ZNF609: variants seen among roughly 807,000 people sequenced by gnomAD.
The protein encoded by ZNF609 is zinc finger protein 609.
In ZNF609, 11 loss-of-function variants were observed where a neutral mutation model predicts 109.5. The ratio of observed to expected loss-of-function variants is 0.10; its 90% CI spans 0.06 to 0.17. The LOEUF (loss-of-function observed/expected upper bound fraction) is 0.17. Ranked by LOEUF, ZNF609 falls within the 10% of genes least tolerant of loss-of-function variation. The probability of loss-of-function intolerance (pLI) is 1.00; values close to 1 mark genes in which losing one functional copy is unlikely to be tolerated. For synonymous variants in ZNF609, 646 were observed against 662.0 expected (o/e 0.98, Z 0.37); for missense variants, 1,559 against 1,772.4 (o/e 0.88, Z 2.16).
intron 4 of ZNF609, chr15:64,671,459 C>T (rs895221690): frequency 2.6e-5 from 4 of 152,078 alleles, no homozygotes; most frequent in African/African-American, 9.7e-5. Context: ...TAACATCTAA[C>T]CATGGGTGAG....
chr15:64,516,432 C>A (rs1391377397), intron 2 of ZNF609, among the ~76,000 whole-genome samples: 2 of 152,074 alleles, frequency 1.3e-5, no homozygotes, highest in Non-Finnish European at 2.9e-5. Context: ...AGTGCAATGG[C>A]ACGATCTCGT....
At position 64,674,125 on chromosome 15, in the gene ZNF609, G is replaced by C; in HGVS notation, c.1271G>C (p.Ser424Thr). The change falls in exon 5 of 10, where the codon AGC becomes ACC. Residue 424 changes from serine to threonine, a missense_variant. Physicochemically the swap from Ser to Thr is moderately conservative, Grantham distance 58. Transcript: ENST00000326648. Reference sequence around the variant, plus strand: ...TCTTCAGAGCACCGCCCACCTGCCAGCAGCACTTCTGAGGATGTCAAGGCC... The same window carrying C: ...TCTTCAGAGCACCGCCCACCTGCCACCAGCACTTCTGAGGATGTCAAGGCC... ...QNSSEHRPPA[S>T]STSEDVKASP... 6.2e-7 allele frequency: 1 copy of C among 1,614,216 alleles called. No homozygotes were observed. The highest frequency in any genetic ancestry group is 1.6e-4 in the Middle Eastern group (1 of 6,062).
intron 2 of ZNF609, among the ~76,000 whole-genome samples, chr15:64,506,577 G>A (rs1203693334): frequency 6.6e-6 from 1 of 151,660 alleles, no homozygotes; most frequent in Non-Finnish European, 1.5e-5. Flanking sequence ...AAAATTAGTC[G>A]GGCGTGGTGG....
At chr15:64,575,840 C>T (rs1161691673) in intron 2 of ZNF609, among the ~76,000 whole-genome samples, 1 of 152,130 alleles carries the variant, frequency 6.6e-6, no homozygotes, top group Non-Finnish European at 1.5e-5. Context: ...AGGTGGCTCA[C>T]GCCTGTAATC....
chr15:64,647,585 A>G (rs1896354409), intron 3 of ZNF609, among the ~76,000 whole-genome samples: 1 of 152,148 alleles, frequency 6.6e-6, no homozygotes, highest in African/African-American at 2.4e-5. Context: ...TTGTTTAGAG[A>G]AATATATTCC....
intron 2 of ZNF609, among the ~76,000 whole-genome samples, chr15:64,564,901 G>GC (rs1894750673): frequency 6.6e-6 from 1 of 150,970 alleles, no homozygotes. Context: ...AGGCTGGAGT[G>GC]CAGTGGTGCG....
At chr15:64,563,344 G>A (rs556302129) in intron 2 of ZNF609, among the ~76,000 whole-genome samples, 31 of 150,002 alleles carry the variant, frequency 2.1e-4, no homozygotes, top group African/African-American at 7.1e-4. Flanking sequence ...CAGCTCCCTC[G>A]GGAGGCTGAG....
chr15:64,580,492 T>C (rs2140425664), intron 2 of ZNF609, among the ~76,000 whole-genome samples: 1 of 152,304 alleles, frequency 6.6e-6, no homozygotes, highest in South Asian at 2.1e-4. Flanking sequence ...TTCCCTTTAG[T>C]ATTTCTTGTA....
rs1208715804 is a variant in ZNF609 at position 64,675,830 on chromosome 15, C to T, written c.2976C>T (p.Thr992=). 1.2e-6 allele frequency: 2 copies of T among 1,614,212 alleles called. No homozygotes were observed. The highest frequency in any genetic ancestry group is 1.7e-6 in the Non-Finnish European group (2 of 1,180,038). ...PYGYSDQSYH[T]HLLSTNTAYR... ...GCTACAGCGACCAGAGTTACCACAC[C>T]CACCTTCTGAGCACTAACACGGCTT... is the stretch of plus-strand genomic sequence containing the variant. Residue 992 remains threonine, a synonymous_variant, in exon 5 of 10, where the codon ACC becomes ACT. Transcript: ENST00000326648.
intron 2 of ZNF609, among the ~76,000 whole-genome samples, chr15:64,611,623 A>T (rs992943335): frequency 6.6e-6 from 1 of 152,214 alleles, no homozygotes; most frequent in African/African-American, 2.4e-5. Flanking sequence ...AGGAGAACAG[A>T]CTGTAGACTG....
intron 1 of ZNF609, among the ~76,000 whole-genome samples, chr15:64,475,627 G>A (rs1893159524): frequency 1.3e-5 from 2 of 151,818 alleles, no homozygotes; most frequent in African/African-American, 2.4e-5. Flanking sequence ...TCCTGACCTC[G>A]TGATCCACCT....
At chr15:64,550,390 C>G (rs1398391102) in intron 2 of ZNF609, among the ~76,000 whole-genome samples, 1 of 152,062 alleles carries the variant, frequency 6.6e-6, no homozygotes, top group Non-Finnish European at 1.5e-5. Flanking sequence ...ATATTAATCT[C>G]TTATTAGATG....
intron 3 of ZNF609, among the ~76,000 whole-genome samples, chr15:64,667,570 G>A (rs548077155): frequency 1.8e-4 from 27 of 152,106 alleles, no homozygotes; most frequent in African/African-American, 6.0e-4. Context: ...AAATTAGCCC[G>A]GGCATGGTGG....
intron 1 of ZNF609, among the ~76,000 whole-genome samples, chr15:64,494,172 T>G (rs1893451029): frequency 6.6e-6 from 1 of 152,228 alleles, no homozygotes; most frequent in Admixed American, 6.5e-5. Flanking sequence ...ATATGTTTTC[T>G]TTGCATCCTG....
At chr15:64,641,187 A>G (rs1896247942) in intron 3 of ZNF609, among the ~76,000 whole-genome samples, 1 of 147,156 alleles carries the variant, frequency 6.8e-6, no homozygotes, top group African/African-American at 2.5e-5. Context: ...AAATGGTTCC[A>G]GGATGATGGG....
At chr15:64,621,986 A>G (rs1049067114) in intron 2 of ZNF609, among the ~76,000 whole-genome samples, 48 of 152,130 alleles carry the variant, frequency 3.2e-4, no homozygotes, top group African/African-American at 1.2e-3. Context: ...TCGGCCTCCC[A>G]AAGTGCTGGG....
At chr15:64,464,976 G>GT (rs1457916041) in intron 1 of ZNF609, among the ~76,000 whole-genome samples, 1 of 152,166 alleles carries the variant, frequency 6.6e-6, no homozygotes, top group Non-Finnish European at 1.5e-5. Context: ...TAGTAAGATG[G>GT]TAATAGAATA....
chr15:64,496,948 G>A (rs1450469633), intron 1 of ZNF609, among the ~76,000 whole-genome samples: 4 of 152,070 alleles, frequency 2.6e-5, no homozygotes, highest in Admixed American at 1.3e-4. Flanking sequence ...CCTGAGTAGC[G>A]GGGGCTACAA....
intron 2 of ZNF609, among the ~76,000 whole-genome samples, chr15:64,606,878 T>C (rs1383584516): frequency 1.3e-5 from 2 of 151,800 alleles, no homozygotes; most frequent in Non-Finnish European, 2.9e-5. Context: ...GCGTGGTGGC[T>C]CATGCCTGTA....
Sources: allele counts gnomAD v4.1 joint callset (sites outside exome capture counted in the v4.1 genomes callset), GRCh38; gene constraint gnomAD v4.1.1; transcripts MANE v1.5; gene names NCBI Gene and HGNC (gene_info 2026-07-23, HGNC 2026-07-21).